C1orf21: variants seen among roughly 807,000 people sequenced by gnomAD.
C1orf21 encodes uncharacterized protein C1orf21.
C1orf21 carries 3 observed loss-of-function variants against 18.7 expected under a neutral mutation model. The ratio of observed to expected loss-of-function variants is 0.16; its 90% CI spans 0.07 to 0.42. The LOEUF is 0.42. C1orf21 is among the 10% of genes least tolerant of loss of function. C1orf21 has a pLI of 0.99. For synonymous variants in C1orf21, 41 were observed against 46.4 expected, an observed-to-expected ratio of 0.88 and a Z score of 0.47; for missense variants, 104 against 143.6, an observed-to-expected ratio of 0.72 and a Z score of 1.41.
chr1:184,567,964 A>G (rs537395438), intron 3 of C1orf21: 1 of 193,314 alleles, frequency 5.2e-6, no homozygotes, highest in Admixed American at 5.7e-5. Context: ...CAACCCAGCC[A>G]TTGTTGAGAT....
chr1:184,607,665 ATGTGTGTATATATATACATATATG>A (rs1659666628), intron 5 of C1orf21, among the ~76,000 whole-genome samples: 1 of 149,892 alleles, frequency 6.7e-6, no homozygotes, highest in Non-Finnish European at 1.5e-5. Flanking sequence ...ATACATATAT[ATGTGTGTATATATATACATATATG>A]TGTGTGTATA....
intron 2 of C1orf21, among the ~76,000 whole-genome samples, chr1:184,478,409 T>G (rs980647860): frequency 6.6e-6 from 1 of 152,126 alleles, no homozygotes; most frequent in African/African-American, 2.4e-5. Flanking sequence ...ACATTTTTTT[T>G]GCCCCCTCCC....
chr1:184,512,442 A>G (rs1658163916), intron 3 of C1orf21, among the ~76,000 whole-genome samples: 1 of 152,174 alleles, frequency 6.6e-6, no homozygotes, highest in Admixed American at 6.5e-5. Flanking sequence ...GGGCTGTGCA[A>G]TGGAGAAGAT....
chr1:184,609,624 T>TA (rs1659698659), intron 5 of C1orf21, among the ~76,000 whole-genome samples: 2 of 152,202 alleles, frequency 1.3e-5, no homozygotes, highest in African/African-American at 2.4e-5. Flanking sequence ...TCTTAACTGT[T>TA]ACACTTGAGA....
At chr1:184,516,961 T>C (rs535999682) in intron 3 of C1orf21, among the ~76,000 whole-genome samples, 2 of 152,212 alleles carry the variant, frequency 1.3e-5, no homozygotes, top group Non-Finnish European at 2.9e-5. Context: ...GTGGCCCTGA[T>C]CCGCAGAATA....
At chr1:184,434,061 T>C (rs1656816420) in intron 1 of C1orf21, among the ~76,000 whole-genome samples, 1 of 152,156 alleles carries the variant, frequency 6.6e-6, no homozygotes, top group South Asian at 2.1e-4. Context: ...TTCCTCCCTG[T>C]GTACTGTAAT....
intron 1 of C1orf21, among the ~76,000 whole-genome samples, chr1:184,434,387 A>G (rs1054361305): frequency 1.3e-5 from 2 of 152,206 alleles, no homozygotes; most frequent in African/African-American, 4.8e-5. Context: ...TCATTCATTC[A>G]GTCAGTCAGT....
chr1:184,474,301 T>G (rs1168474884), intron 1 of C1orf21, among the ~76,000 whole-genome samples: 1 of 152,184 alleles, frequency 6.6e-6, no homozygotes. Context: ...GTAATTAAAT[T>G]GAAATTTCTT....
chr1:184,499,671 G>GAA (rs537036222), intron 2 of C1orf21, among the ~76,000 whole-genome samples: 1 of 140,850 alleles, frequency 7.1e-6, no homozygotes. Context: ...TTTGTGGTAG[G>GAA]AAAAAAAAAA....
chr1:184,579,761 G>A (rs932022033), intron 3 of C1orf21, among the ~76,000 whole-genome samples: 17 of 151,820 alleles, frequency 1.1e-4, no homozygotes, highest in African/African-American at 2.4e-4. Context: ...CACCCTCCTC[G>A]GCCTGTCAAA....
At chr1:184,529,876 A>T (rs1219218925) in intron 3 of C1orf21, among the ~76,000 whole-genome samples, 1 of 152,234 alleles carries the variant, frequency 6.6e-6, no homozygotes, top group Non-Finnish European at 1.5e-5. Context: ...TTAGTAGAGA[A>T]GAAGCCTGGG....
chr1:184,538,968 T>C (rs1242200537), intron 3 of C1orf21, among the ~76,000 whole-genome samples: 3 of 152,188 alleles, frequency 2.0e-5, no homozygotes, highest in African/African-American at 7.2e-5. Flanking sequence ...CTTTTTTCTT[T>C]ACAGTTTGAA....
Position 184,553,439 on chromosome 1 carries a change from G to A in C1orf21, c.190-37300G>A, listed in dbSNP as rs569068287. 7.2e-5 allele frequency among the ~76,000 whole-genome samples: 11 copies of A among 152,198 alleles called. No individual in the cohort carries two copies. The South Asian group carries it at 1.2e-3, about 17-fold the overall frequency. The stretch of plus-strand genomic sequence containing the variant: ...TTACTGTTTTTCCTGGTTCTGTGCC[G>A]TAAACACTGAATGGACTATCTTACC... On this transcript the variant is annotated intron_variant, in intron 3 of 5. Transcript: ENST00000235307.
chr1:184,491,348 CTT>C (rs558009578), intron 2 of C1orf21, among the ~76,000 whole-genome samples: 28 of 142,378 alleles, frequency 2.0e-4, no homozygotes, highest in Admixed American at 2.1e-4. Flanking sequence ...TTCCTTCTTT[CTT>C]TTTTTTTTTT....
intron 1 of C1orf21, among the ~76,000 whole-genome samples, chr1:184,434,957 G>T (rs1281343073): frequency 6.6e-6 from 1 of 152,218 alleles, no homozygotes; most frequent in Non-Finnish European, 1.5e-5. Context: ...GCTTTAGAAA[G>T]ATCACTCTCC....
Position 184,410,252 on chromosome 1 carries a change from G to T in C1orf21, c.-125+22884G>T, listed in dbSNP as rs111691413. ...TAGGTGAAGATGTTTCAAGAAGTTT[G>T]AATTTATCTTGACAGGATTATGCTG... On this transcript the variant is annotated intron_variant, in intron 1 of 5. Transcript: ENST00000235307. Among the ~76,000 whole-genome samples the T allele has an allele frequency of 7.5e-4, 114 of 152,190 alleles. 1 individual carries two copies. The highest frequency in any genetic ancestry group is 2.7e-3 in the African/African-American group (112 of 41,528).
chr1:184,476,811 G>C (rs753097137), intron 1 of C1orf21, among the ~76,000 whole-genome samples: 3 of 152,158 alleles, frequency 2.0e-5, no homozygotes, highest in Non-Finnish European at 4.4e-5. Flanking sequence ...CTCCAAAACA[G>C]TGTCACCTCA....
At chr1:184,539,228 C>T (rs1016611347) in intron 3 of C1orf21, among the ~76,000 whole-genome samples, 7 of 152,120 alleles carry the variant, frequency 4.6e-5, no homozygotes, top group African/African-American at 1.7e-4. Context: ...TTGTCAAATG[C>T]TCTTTCACCA....
At chr1:184,577,953 GT>G (rs1257021237) in intron 3 of C1orf21, among the ~76,000 whole-genome samples, 7,522 of 108,690 alleles carry the variant, frequency 0.069, 391 homozygotes, top group African/African-American at 0.12. Flanking sequence ...TTTTGTTTTT[GT>G]TTTTTTTTTT....
Sources: allele counts gnomAD v4.1 joint callset (sites outside exome capture counted in the v4.1 genomes callset), GRCh38; gene constraint gnomAD v4.1.1; transcripts MANE v1.5; gene names NCBI Gene and HGNC (gene_info 2026-07-23, HGNC 2026-07-21).